ERC2: variants seen among roughly 807,000 people sequenced by gnomAD.
The protein encoded by ERC2 is ELKS/RAB6-interacting/CAST family member 2.
Under a neutral mutation model 114.8 loss-of-function variants are expected in ERC2, and 42 were observed. The ratio of observed to expected loss-of-function variants is 0.37; its 90% CI spans 0.29 to 0.47. The LOEUF (loss-of-function observed/expected upper bound fraction) is 0.47, where lower values mean the gene tolerates loss of function less well. Among genes scored for constraint, ERC2 ranks in the 20% least tolerant of loss-of-function variants. The pLI, the probability that ERC2 is intolerant of heterozygous loss-of-function variation, is 0.99. For missense variants in ERC2, 939 were observed against 1,150.7 expected (o/e 0.82, Z 2.66); for synonymous variants, 454 against 425.5 (o/e 1.07, Z -0.82).
intron 3 of ERC2, among the ~76,000 whole-genome samples, chr3:56,286,701 T>A (rs1358196260): frequency 6.6e-6 from 1 of 152,116 alleles, no homozygotes; most frequent in Non-Finnish European, 1.5e-5. Context: ...ACTATATACG[T>A]ACTTACGTAA....
intron 17 of ERC2, among the ~76,000 whole-genome samples, chr3:55,672,615 AAGGG>A (rs1273728625): frequency 6.6e-6 from 1 of 152,178 alleles, no homozygotes; most frequent in Admixed American, 6.5e-5. Context: ...CTAAACTGGC[AAGGG>A]TGCTATGTGA....
At chr3:55,857,810 C>T (rs889943516) in intron 14 of ERC2, among the ~76,000 whole-genome samples, 2 of 152,082 alleles carry the variant, frequency 1.3e-5, no homozygotes, top group East Asian at 1.9e-4. Flanking sequence ...ATGAAACACT[C>T]GATTTTCAAT....
intron 2 of ERC2, among the ~76,000 whole-genome samples, chr3:56,430,832 T>G (rs997080773): frequency 6.6e-6 from 1 of 152,098 alleles, no homozygotes; most frequent in African/African-American, 2.4e-5. Flanking sequence ...CTTAATCATC[T>G]TATCAAAACT....
chr3:55,717,709 G>C (rs148937491), intron 15 of ERC2, among the ~76,000 whole-genome samples: 417 of 152,244 alleles, frequency 2.7e-3, no homozygotes, highest in Middle Eastern at 0.01. Context: ...TGGAGAATGA[G>C]GCCTCTCCTT....
intron 7 of ERC2, among the ~76,000 whole-genome samples, chr3:56,050,193 G>C (rs977201214): frequency 6.6e-6 from 1 of 152,146 alleles, no homozygotes; most frequent in East Asian, 1.9e-4. Context: ...GAATTTAACT[G>C]TATGTAAGTA....
intron 17 of ERC2, among the ~76,000 whole-genome samples, chr3:55,568,330 A>C (rs2107511898): frequency 1.3e-5 from 2 of 152,280 alleles, no homozygotes; most frequent in African/African-American, 4.8e-5. Flanking sequence ...CTAAGCTCAG[A>C]GTGATGAGGA....
intron 6 of ERC2, among the ~76,000 whole-genome samples, chr3:56,129,532 A>T (rs13058777): frequency 0.25 from 37,407 of 152,078 alleles, 5,140 homozygotes; most frequent in Admixed American, 0.31. Flanking sequence ...CCCTCCTCCT[A>T]AATTCTGTCA....
chr3:56,386,806 T>C (rs1405654548), intron 2 of ERC2, among the ~76,000 whole-genome samples: 1 of 152,158 alleles, frequency 6.6e-6, no homozygotes, highest in East Asian at 1.9e-4. Context: ...TCCAATATAA[T>C]GCTAATTATA....
At chr3:56,363,319 T>A (rs2059028219) in intron 2 of ERC2, among the ~76,000 whole-genome samples, 2 of 152,204 alleles carry the variant, frequency 1.3e-5, no homozygotes, top group Admixed American at 1.3e-4. Context: ...TATTTCAATC[T>A]TAGAATTTAA....
intron 6 of ERC2, among the ~76,000 whole-genome samples, chr3:56,083,048 GGGGAC>G (rs2077318813): frequency 6.6e-6 from 1 of 152,162 alleles, no homozygotes; most frequent in African/African-American, 2.4e-5. Context: ...CAAAAAGGTT[GGGGAC>G]TGCTGATATA....
intron 17 of ERC2, among the ~76,000 whole-genome samples, chr3:55,516,726 C>T (rs2052539334): frequency 1.3e-5 from 2 of 152,184 alleles, no homozygotes; most frequent in Admixed American, 1.3e-4. Flanking sequence ...AGGCTGTGTA[C>T]ATCAAAATGG....
At chr3:56,080,146 G>A (rs1452863293) in intron 7 of ERC2, among the ~76,000 whole-genome samples, 1 of 152,044 alleles carries the variant, frequency 6.6e-6, no homozygotes, top group Non-Finnish European at 1.5e-5. Flanking sequence ...CTAAGAGAAG[G>A]CAGGATACTC....
intron 14 of ERC2, among the ~76,000 whole-genome samples, chr3:55,858,463 T>A (rs769921590): frequency 2.0e-5 from 3 of 152,204 alleles, no homozygotes; most frequent in Non-Finnish European, 4.4e-5. Flanking sequence ...GTGATCTACA[T>A]GACTCTGAGC....
chr3:55,979,592 C>T lies in ERC2; in HGVS notation c.2267+6385G>A, dbSNP rs528560533. On this transcript the variant is annotated intron_variant, in intron 12 of 17. Transcript: ENST00000288221. ...AAAGCATAAATTATTGTACATACAGCTCCGTATATGCCAGTAAGAGAGGTA... is the reference window on the plus strand; with the variant it reads ...AAAGCATAAATTATTGTACATACAGTTCCGTATATGCCAGTAAGAGAGGTA... 3.9e-5 allele frequency among the ~76,000 whole-genome samples: 6 copies of T among 152,280 alleles called. No individual in the cohort carries two copies. The East Asian group carries it at 1.2e-3, about 29-fold the overall frequency.
At chr3:56,127,904 C>A (rs2079972456) in intron 6 of ERC2, among the ~76,000 whole-genome samples, 1 of 151,984 alleles carries the variant, frequency 6.6e-6, no homozygotes, top group South Asian at 2.1e-4. Flanking sequence ...ACTGGGAAAA[C>A]TGGATATCTA....
At chr3:56,224,523 A>G (rs2050128381) in intron 3 of ERC2, among the ~76,000 whole-genome samples, 1 of 152,130 alleles carries the variant, frequency 6.6e-6, no homozygotes, top group Non-Finnish European at 1.5e-5. Flanking sequence ...TTGTAAGGGA[A>G]CAGTGCCACA....
At chr3:56,000,631 A>G (rs559936991) in intron 10 of ERC2, among the ~76,000 whole-genome samples, 1 of 152,278 alleles carries the variant, frequency 6.6e-6, no homozygotes, top group African/African-American at 2.4e-5. Flanking sequence ...ATGTAAAATG[A>G]CAATTCTCAA....
At chr3:56,438,714 G>A (rs972046382) in intron 1 of ERC2, among the ~76,000 whole-genome samples, 6 of 152,300 alleles carry the variant, frequency 3.9e-5, no homozygotes, top group Admixed American at 3.3e-4. Context: ...GTCTTCCTCT[G>A]TCTGCTCCCT....
At chr3:55,820,163 A>G (rs1044000421) in intron 14 of ERC2, among the ~76,000 whole-genome samples, 2 of 152,144 alleles carry the variant, frequency 1.3e-5, no homozygotes, top group African/African-American at 4.8e-5. Flanking sequence ...GGAGCCCCAC[A>G]TGGAGGGTGG....
Sources: gnomAD v4.1 joint callset for allele counts (sites outside exome capture counted in the v4.1 genomes callset) on GRCh38, gnomAD v4.1.1 for gene constraint, MANE v1.5 for transcripts, NCBI Gene and HGNC (gene_info 2026-07-23, HGNC 2026-07-21) for gene names.